SBF2: variants seen among roughly 807,000 people sequenced by gnomAD.
SBF2 encodes the protein myotubularin-related protein 13.
SBF2 carries 112 observed loss-of-function variants against 225.2 expected under a neutral mutation model. That is an observed-to-expected ratio of 0.50 (90% CI 0.43 to 0.58). The LOEUF (loss-of-function observed/expected upper bound fraction) is 0.58. SBF2 is among the 20% of genes least tolerant of loss of function. The pLI is 0.00. For missense variants in SBF2, 1,996 were observed against 2,206.2 expected (o/e 0.90, Z 1.91); for synonymous variants, 763 against 773.3 (o/e 0.99, Z 0.22).
At chr11:9,842,531 T>C (rs1456622620) in intron 25 of SBF2, 94 bp downstream of exon 25, 26 of 1,307,392 alleles carry the variant, frequency 2.0e-5, no homozygotes, top group Non-Finnish European at 2.7e-5. Flanking sequence ...ATCTAGGTTT[T>C]TGTGAATCAA....
At chr11:9,902,234 C>G (rs917154500) in intron 16 of SBF2, among the ~76,000 whole-genome samples, 2 of 152,146 alleles carry the variant, frequency 1.3e-5, no homozygotes, top group Non-Finnish European at 1.5e-5. Context: ...AGGGCTACTA[C>G]CTATGAGGCT....
intron 2 of SBF2, among the ~76,000 whole-genome samples, chr11:10,150,842 G>C (rs537514079): frequency 1.3e-5 from 2 of 151,932 alleles, no homozygotes; most frequent in Non-Finnish European, 2.9e-5. Context: ...AAGGTCAACT[G>C]CTAAGTAAAA....
At chr11:9,890,432 A>C (rs1860705955) in intron 17 of SBF2, among the ~76,000 whole-genome samples, 1 of 152,190 alleles carries the variant, frequency 6.6e-6, no homozygotes, top group Non-Finnish European at 1.5e-5. Flanking sequence ...TGAATGGAGA[A>C]TTTTGAAGAA....
intron 2 of SBF2, among the ~76,000 whole-genome samples, chr11:10,129,107 T>C (rs1467880884): frequency 7.0e-5 from 10 of 143,106 alleles, no homozygotes; most frequent in Non-Finnish European, 9.2e-5. Flanking sequence ...TCTCTTTTTT[T>C]TTTTTTTTTT....
At chr11:10,165,100 T>A (rs1955896940) in intron 2 of SBF2, 1 of 152,222 alleles carries the variant, frequency 6.6e-6, no homozygotes, top group Non-Finnish European at 1.5e-5. Flanking sequence ...CAATGGCTAA[T>A]TCTGACCTAT....
chr11:10,116,061 C>T (rs766044705), intron 2 of SBF2, among the ~76,000 whole-genome samples: 2 of 151,898 alleles, frequency 1.3e-5, no homozygotes, highest in Non-Finnish European at 2.9e-5. Context: ...CCCAGCTACT[C>T]GGGAGGCTGA....
At chr11:10,131,966 A>T (rs980531254) in intron 2 of SBF2, among the ~76,000 whole-genome samples, 1 of 152,152 alleles carries the variant, frequency 6.6e-6, no homozygotes, top group Non-Finnish European at 1.5e-5. Flanking sequence ...TTTTCTCCTA[A>T]AAGTTTTATA....
intron 1 of SBF2, among the ~76,000 whole-genome samples, chr11:10,300,864 G>C (rs1964593287): frequency 1.4e-5 from 2 of 147,582 alleles, no homozygotes; most frequent in African/African-American, 5.0e-5. Flanking sequence ...TGCCAGGCTG[G>C]TCTTGAACTC....
Position 9,853,615 on chromosome 11 carries a change from G to A in SBF2, c.2461C>T (p.Arg821Ter), listed in dbSNP as rs779344635. The A allele has an allele frequency of 2.5e-6, 4 of 1,613,700 alleles. No homozygotes were observed. The highest frequency in any genetic ancestry group is 2.2e-5 in the East Asian group (1 of 44,852). The change falls in exon 20 of 40, where the codon CGA becomes TGA. Residue 821 changes from arginine (R) to a stop codon, truncating the protein, a stop_gained. Transcript: ENST00000256190. LOFTEE classifies it high-confidence loss of function. ...TCTGTACAAACTTTGTCAATAAATCGGGTAATGAACCGCACAACAGAATTG... is the reference window on the plus strand; with the variant it reads ...TCTGTACAAACTTTGTCAATAAATCAGGTAATGAACCGCACAACAGAATTG... The part of the protein sequence containing the change: ...IANSVVRFIT[R>*]FIDKVCTESG...
chr11:9,863,344 G>C (rs1008918456), intron 17 of SBF2, among the ~76,000 whole-genome samples: 2 of 152,224 alleles, frequency 1.3e-5, no homozygotes, highest in Admixed American at 1.3e-4. Flanking sequence ...CCAAGCTCAA[G>C]GCTCTCGTTT....
intron 1 of SBF2, among the ~76,000 whole-genome samples, chr11:10,241,752 A>G (rs1959228964): frequency 6.6e-6 from 1 of 152,124 alleles, no homozygotes; most frequent in African/African-American, 2.4e-5. Flanking sequence ...ATATCTATAA[A>G]ATGCCACAAT....
intron 1 of SBF2, among the ~76,000 whole-genome samples, chr11:10,238,891 CA>C (rs1959172024): frequency 1.3e-5 from 2 of 150,878 alleles, no homozygotes; most frequent in Admixed American, 1.3e-4. Flanking sequence ...CTAGCTTGGG[CA>C]AAAGAGTGTG....
At chr11:10,044,808 T>C (rs1590826269) in intron 2 of SBF2, among the ~76,000 whole-genome samples, 3 of 152,342 alleles carry the variant, frequency 2.0e-5, no homozygotes, top group African/African-American at 4.8e-5. Context: ...CCCTTGCGAA[T>C]TGTGCATCTA....
At chr11:10,179,392 A>AC (rs1956631415) in intron 2 of SBF2, among the ~76,000 whole-genome samples, 1 of 150,990 alleles carries the variant, frequency 6.6e-6, no homozygotes. Context: ...AAAAACAAAA[A>AC]AAAACAAAAA....
intron 1 of SBF2, among the ~76,000 whole-genome samples, chr11:10,291,151 G>GT (rs1471989593): frequency 6.6e-6 from 1 of 152,182 alleles, no homozygotes; most frequent in Non-Finnish European, 1.5e-5. Flanking sequence ...GTCTGAATGT[G>GT]TATGTCCCCT....
intron 1 of SBF2, among the ~76,000 whole-genome samples, chr11:10,230,942 T>A (rs976757721): frequency 6.4e-4 from 98 of 152,324 alleles, no homozygotes; most frequent in African/African-American, 2.3e-3. Context: ...CACTTTCAGG[T>A]ACACCAATCA....
intron 17 of SBF2, among the ~76,000 whole-genome samples, chr11:9,881,743 C>A (rs1037285570): frequency 4.6e-5 from 7 of 151,926 alleles, no homozygotes; most frequent in African/African-American, 1.7e-4. Flanking sequence ...CCCATCCCCC[C>A]CCAATTAAAC....
intron 3 of SBF2, among the ~76,000 whole-genome samples, chr11:10,034,640 C>T (rs911215350): frequency 4.6e-5 from 7 of 152,090 alleles, no homozygotes; most frequent in Middle Eastern, 3.2e-3. Context: ...AAAATCTTCC[C>T]GCAGCATTTC....
At chr11:10,228,066 T>A (rs545591584) in intron 1 of SBF2, among the ~76,000 whole-genome samples, 1 of 151,844 alleles carries the variant, frequency 6.6e-6, no homozygotes, top group African/African-American at 2.4e-5. Context: ...CCTAGGTACT[T>A]TATTCTCTTT....
Sources: gnomAD v4.1 joint callset for allele counts (sites outside exome capture counted in the v4.1 genomes callset) on GRCh38, gnomAD v4.1.1 for gene constraint, MANE v1.5 for transcripts, NCBI Gene and HGNC (gene_info 2026-07-23, HGNC 2026-07-21) for gene names.